The following RAPGEF1 variants were observed in gnomAD, a reference collection of about 807,000 sequenced individuals.
RAPGEF1 encodes CRK SH3-binding GNRP.
RAPGEF1 carries 33 observed loss-of-function variants against 143.3 expected under a neutral mutation model. The ratio of observed to expected loss-of-function variants is 0.23; its 90% CI spans 0.17 to 0.31. The LOEUF (loss-of-function observed/expected upper bound fraction) is 0.31. Ranked by LOEUF, RAPGEF1 falls within the 10% of genes least tolerant of loss-of-function variation. RAPGEF1 has a pLI of 1.00. For missense variants in RAPGEF1, 1,199 were observed against 1,645.4 expected, an observed-to-expected ratio of 0.73 and a Z score of 4.69; for synonymous variants, 629 against 676.5, an observed-to-expected ratio of 0.93 and a Z score of 1.09.
At position 131,584,681 on chromosome 9, in the gene RAPGEF1, G is replaced by A. The variant is rs536449994; in HGVS notation, c.3234-85C>T. On this transcript the variant is annotated intron_variant, in intron 22 of 26. Coordinates refer to ENST00000683357, the MANE Select transcript of RAPGEF1 (RefSeq NM_001377935.1). The surrounding 1 kb of genome is among the most constrained non-coding windows in gnomAD (Gnocchi z 6.8). ...GTCCTGGTGGAGACAGGACCTGTAC[G>A]ACCCCCATGCCAGTGGCCACGAGCC... The A allele has an allele frequency of 2.3e-4, 313 of 1,386,840 alleles. No individual in the cohort carries two copies. Among genetic ancestry groups the A allele is most frequent in the Non-Finnish European group, 2.9e-4 (286 of 979,132 alleles). The allele number at this position is 1,386,840 out of a possible 1,614,324, so 85.9% of individuals were successfully genotyped here.
chr9:131,697,824 TTGA>T (rs1311986131), intron 1 of RAPGEF1, among the ~76,000 whole-genome samples: 3 of 152,096 alleles, frequency 2.0e-5, no homozygotes, highest in South Asian at 2.1e-4. Flanking sequence ...GAAAAGACAG[TTGA>T]TGATGACAAG....
chr9:131,654,909 C>T (rs887427393), intron 1 of RAPGEF1, among the ~76,000 whole-genome samples: 5 of 152,192 alleles, frequency 3.3e-5, no homozygotes, highest in Non-Finnish European at 7.3e-5. Context: ...AATTAAGCAA[C>T]AAAACACTGT....
At chr9:131,664,947 T>G (rs982580723) in intron 1 of RAPGEF1, among the ~76,000 whole-genome samples, 3 of 152,208 alleles carry the variant, frequency 2.0e-5, no homozygotes, top group African/African-American at 7.2e-5. Flanking sequence ...CCATCCTTAT[T>G]TCCTCTTCTT....
intron 22 of RAPGEF1, among the ~76,000 whole-genome samples, chr9:131,585,753 G>C (rs148909375): frequency 7.2e-5 from 11 of 152,222 alleles, no homozygotes; most frequent in Non-Finnish European, 1.3e-4. Flanking sequence ...ACAGTGGGTG[G>C]GTGGGGGTGG....
At chr9:131,701,018 A>G (rs1248531640) in intron 1 of RAPGEF1, among the ~76,000 whole-genome samples, 1 of 152,174 alleles carries the variant, frequency 6.6e-6, no homozygotes, top group African/African-American at 2.4e-5. Flanking sequence ...ACTTCTCGGT[A>G]GTCCACAAGG....
At chr9:131,598,111 T>C in intron 16 of RAPGEF1, 88 bp downstream of exon 16, 3 of 1,182,324 alleles carry the variant, frequency 2.5e-6, no homozygotes, top group Non-Finnish European at 2.5e-6. Flanking sequence ...AGGGTTGTTC[T>C]GCTTATGACA....
rs941570826 is a variant in RAPGEF1 at position 131,621,431 on chromosome 9, T to C, written c.1905+365A>G. Among the ~76,000 whole-genome samples, 13 of 152,176 alleles carry C rather than the reference T, an allele frequency of 8.5e-5. No homozygotes were observed. The highest frequency in any genetic ancestry group is 2.7e-4 in the African/African-American group (11 of 41,434). Reference sequence around the variant, plus strand: ...GCACAGACCATGTCCTGTGCTTTGATTGAGTCCCTCCTTTCTGGGAGGTCT... The same window carrying C: ...GCACAGACCATGTCCTGTGCTTTGACTGAGTCCCTCCTTTCTGGGAGGTCT... On this transcript the variant is annotated intron_variant, in intron 11 of 26. Transcript: ENST00000683357. The surrounding 1 kb of genome is among the most constrained non-coding windows in gnomAD (Gnocchi z 4.5).
Position 131,596,240 on chromosome 9 carries a change from G to C in RAPGEF1, c.2689+58C>G. On this transcript the variant is annotated intron_variant, in intron 17 of 26. Transcript: ENST00000683357. The stretch of plus-strand genomic sequence containing the variant: ...GGAGGGGACAGGATAGCGGTGGGAG[G>C]CCGAGTGGCACCCGGGGCAGGACCA... 2.0e-6 allele frequency: 3 copies of C among 1,531,838 alleles called. 1 individual carries two copies. The South Asian group carries it at 3.4e-5, about 17-fold the overall frequency. The allele number at this position is 1,531,838 out of a possible 1,614,324, so 94.9% of individuals were successfully genotyped here.
chr9:131,647,822 A>G (rs770738685), intron 3 of RAPGEF1, among the ~76,000 whole-genome samples: 101 of 152,134 alleles, frequency 6.6e-4, no homozygotes, highest in Non-Finnish European at 2.5e-4. Flanking sequence ...TCCCTGCTAC[A>G]GAACAGGTTT....
chr9:131,582,254 G>A (rs998401902), intron 25 of RAPGEF1, among the ~76,000 whole-genome samples: 1 of 152,110 alleles, frequency 6.6e-6, no homozygotes, highest in Non-Finnish European at 1.5e-5. Context: ...CCATGTGTGG[G>A]GAGAGGAGCC....
chr9:131,605,730 C>G lies in RAPGEF1; in HGVS notation c.2062-542G>C, dbSNP rs1276466297. On this transcript the variant is annotated intron_variant, in intron 12 of 26. Coordinates refer to ENST00000683357, the MANE Select transcript of RAPGEF1 (RefSeq NM_001377935.1). ...ATGCTAACGATGTCTGAGTCCATTTCTCTTCCTACCCCATTTTTTTCTTTC... is the reference window on the plus strand; with the variant it reads ...ATGCTAACGATGTCTGAGTCCATTTGTCTTCCTACCCCATTTTTTTCTTTC... Among the ~76,000 whole-genome samples the G allele has an allele frequency of 2.0e-5, 3 of 151,214 alleles. No homozygotes were observed. The East Asian group carries it at 5.8e-4, about 29-fold the overall frequency.
intron 1 of RAPGEF1, among the ~76,000 whole-genome samples, chr9:131,719,961 C>T (rs952426553): frequency 1.5e-4 from 22 of 151,468 alleles, no homozygotes; most frequent in African/African-American, 5.3e-4. Flanking sequence ...TCTCAGCTCA[C>T]TGCAACCTCC....
rs1260402693 is a variant in RAPGEF1 at position 131,584,476 on chromosome 9, G to C, written c.3312+42C>G. 5 of 1,613,142 alleles carry C rather than the reference G, an allele frequency of 3.1e-6. No individual in the cohort carries two copies. In the South Asian group the frequency reaches 5.5e-5, roughly 18 times the overall value. On this transcript the variant is annotated intron_variant, in intron 23 of 26. Transcript: ENST00000683357. The surrounding 1 kb of genome is among the most constrained non-coding windows in gnomAD (Gnocchi z 6.8). ...GGCGGGTCCCGGGCTCCCAGAGCAGGGACTGATGATGGGGGCCTGGGAAGG... is the reference window on the plus strand; with the variant it reads ...GGCGGGTCCCGGGCTCCCAGAGCAGCGACTGATGATGGGGGCCTGGGAAGG...
intron 15 of RAPGEF1, among the ~76,000 whole-genome samples, chr9:131,600,395 C>G (rs1344289806): frequency 2.0e-5 from 3 of 152,152 alleles, no homozygotes; most frequent in Admixed American, 1.3e-4. Flanking sequence ...ACACTCTGCC[C>G]CAGGTATTAA....
At chr9:131,693,991 G>A (rs1274282867) in intron 1 of RAPGEF1, among the ~76,000 whole-genome samples, 2 of 151,894 alleles carry the variant, frequency 1.3e-5, no homozygotes, top group Non-Finnish European at 2.9e-5. Flanking sequence ...TATTTAGCTT[G>A]AGACTGAGTT....
intron 4 of RAPGEF1, 81 bp downstream of exon 4, chr9:131,643,158 T>G: frequency 1.4e-6 from 2 of 1,455,464 alleles, no homozygotes; most frequent in Non-Finnish European, 1.8e-6. Context: ...CTAGGAACCT[T>G]GAGTTTCCAG....
rs777447720 is a variant in RAPGEF1 at position 131,586,500 on chromosome 9, A to ACC, written c.3233+1235_3233+1236insGG. Among the ~76,000 whole-genome samples, 17 of 84,894 alleles carry ACC rather than the reference A, an allele frequency of 2.0e-4. 1 individual carries two copies. Among genetic ancestry groups the ACC allele is most frequent in the Admixed American group, 3.4e-4 (3 of 8,948 alleles). 55.7% of individuals were successfully genotyped at this position (84,894 alleles called of 152,430 possible). A position where few individuals can be genotyped will look rare whatever the true frequency, so the allele number is the denominator to read the frequency against. On this transcript the variant is annotated intron_variant, in intron 22 of 26. Coordinates refer to ENST00000683357, the MANE Select transcript of RAPGEF1 (RefSeq NM_001377935.1). ...GACTCCGTCTCAAACACACACACAC[A>ACC]CACCTGCAGAGCGAGACTCCGTCAA...
At chr9:131,718,672 C>A (rs1305805209) in intron 1 of RAPGEF1, among the ~76,000 whole-genome samples, 2 of 152,080 alleles carry the variant, frequency 1.3e-5, no homozygotes, top group African/African-American at 2.4e-5. Flanking sequence ...ACAATCGGAT[C>A]AAAAATGGCA....
intron 1 of RAPGEF1, among the ~76,000 whole-genome samples, chr9:131,697,165 GC>G (rs1434956629): frequency 1.3e-5 from 2 of 150,658 alleles, no homozygotes; most frequent in Non-Finnish European, 2.9e-5. Context: ...GCAGCCCTCT[GC>G]TGGCCCAGGC....
Sources: gnomAD v4.1 joint callset for allele counts (sites outside exome capture counted in the v4.1 genomes callset) on GRCh38, gnomAD v4.1.1 for gene constraint, Gnocchi (gnomAD v3.1) non-coding constraint, MANE v1.5 for transcripts, NCBI Gene and HGNC (gene_info 2026-07-23, HGNC 2026-07-21) for gene names.